Variants in MAGI1 observed in about 807,000 individuals in gnomAD.
MAGI1 encodes the protein membrane associated guanylate kinase, WW and PDZ domain containing 1, also known as membrane-associated guanylate kinase, WW and PDZ domain-containing protein 1.
MAGI1 carries 58 observed loss-of-function variants against 139.9 expected under a neutral mutation model. The observed-to-expected ratio is 0.41, with a 90% CI of 0.34 to 0.52. The LOEUF (loss-of-function observed/expected upper bound fraction) is 0.52. MAGI1 is among the 20% of genes least tolerant of loss of function. The pLI, the probability that MAGI1 is intolerant of heterozygous loss-of-function variation, is 0.12. For synonymous variants in MAGI1, 812 were observed against 737.9 expected (o/e 1.10, Z -1.63); for missense variants, 1,874 against 1,901.6 (o/e 0.99, Z 0.27).
At chr3:65,909,885 T>C (rs535142652) in intron 1 of MAGI1, among the ~76,000 whole-genome samples, 7 of 152,214 alleles carry the variant, frequency 4.6e-5, no homozygotes, top group East Asian at 3.9e-4. Context: ...GGGTGGGGGA[T>C]GGTTTGGGGA....
intron 1 of MAGI1, among the ~76,000 whole-genome samples, chr3:66,024,790 G>A (rs1009330969): frequency 2.0e-5 from 3 of 152,150 alleles, no homozygotes; most frequent in Admixed American, 2.0e-4. Context: ...TGGGCAACAA[G>A]AGTGAGACTC....
chr3:65,379,427 C>T lies in MAGI1; in HGVS notation c.2829G>A (p.Ser943=), dbSNP rs1942850977. ...GSQNSLNTVS[S]GSGSTSGIGS... is the part of the protein sequence containing the mutation. ...CGATGCCGCTGGTGCTGCCGCTGCC[C>T]GAGCTCACCGTGTTCAGCGAGTTCT... Residue 943 remains serine (S), a synonymous_variant, in exon 17 of 23, where the codon TCG becomes TCA. Coordinates refer to ENST00000402939, the MANE Select transcript of MAGI1 (RefSeq NM_001033057.2). 1.9e-6 allele frequency: 3 copies of T among 1,613,546 alleles called. No homozygotes were observed. Among genetic ancestry groups the T allele is most frequent in the African/African-American group, 1.3e-5 (1 of 74,926 alleles).
intron 2 of MAGI1, among the ~76,000 whole-genome samples, chr3:65,618,774 T>G (rs531441945): frequency 1.3e-5 from 2 of 152,138 alleles, no homozygotes; most frequent in Non-Finnish European, 2.9e-5. Context: ...GTGTATCTGA[T>G]AAGACAGTGG....
At position 65,978,563 on chromosome 3, in the gene MAGI1, T is replaced by C. The variant is rs72908980; in HGVS notation, c.313+59433A>G. Among the ~76,000 whole-genome samples the C allele has an allele frequency of 5.6e-3, 847 of 151,978 alleles. 7 individuals are homozygous for C. Among genetic ancestry groups the C allele is most frequent in the African/African-American group, 0.02 (809 of 41,436 alleles). The stretch of plus-strand genomic sequence containing the variant: ...CCCCCATTCCTAACAGTATCCTCAG[T>C]TCCATCACTGCAAGTGTCATCTGAA... On this transcript the variant is annotated intron_variant, in intron 1 of 22. Transcript: ENST00000402939.
In MAGI1 at chr3:65,478,752, C is replaced by T. The variant is rs771522290; in HGVS notation, c.597G>A (p.Gly199=). ...GCAAGGCATCCGTCGTGATCACTTT[C>T]CCACTGACTGGCTGGCTAGGAGGCT... ...TPKPPSQPVS[G]KVITTDALHS... The change falls in exon 4 of 23, where the codon GGG becomes GGA. Residue 199 remains glycine (G), a synonymous_variant. Coordinates refer to ENST00000402939, the MANE Select transcript of MAGI1 (RefSeq NM_001033057.2). 1.9e-6 allele frequency: 3 copies of T among 1,614,122 alleles called. No homozygotes were observed. Among genetic ancestry groups the T allele is most frequent in the Non-Finnish European group, 2.5e-6 (3 of 1,179,984 alleles).
chr3:65,377,261 A>AAT (rs897396730), intron 17 of MAGI1, among the ~76,000 whole-genome samples: 2 of 152,326 alleles, frequency 1.3e-5, no homozygotes, highest in African/African-American at 4.8e-5. Flanking sequence ...ATTAGAATAC[A>AAT]ATAGGTAGGT....
intron 2 of MAGI1, among the ~76,000 whole-genome samples, chr3:65,508,788 TG>T (rs2077415020): frequency 6.6e-6 from 1 of 152,240 alleles, no homozygotes; most frequent in African/African-American, 2.4e-5. Context: ...GTTTTGTTTT[TG>T]TTGTGTTTTG....
At chr3:65,464,050 C>G (rs1262744603) in intron 5 of MAGI1, among the ~76,000 whole-genome samples, 1 of 152,114 alleles carries the variant, frequency 6.6e-6, no homozygotes, top group Non-Finnish European at 1.5e-5. Flanking sequence ...GGAGGAATCT[C>G]CACCTCTTAT....
At chr3:65,952,380 A>T (rs895665860) in intron 1 of MAGI1, among the ~76,000 whole-genome samples, 1 of 152,134 alleles carries the variant, frequency 6.6e-6, no homozygotes. Flanking sequence ...TTTTTTTCCG[A>T]TACTTTTGCT....
chr3:65,377,772 C>T (rs1942670292), intron 17 of MAGI1, among the ~76,000 whole-genome samples: 1 of 152,140 alleles, frequency 6.6e-6, no homozygotes. Context: ...ATTAATGTAG[C>T]TCAAAAAGCA....
intron 1 of MAGI1, among the ~76,000 whole-genome samples, chr3:65,891,679 A>T (rs1201131297): frequency 7.5e-6 from 1 of 134,034 alleles, no homozygotes; most frequent in Non-Finnish European, 1.5e-5. Context: ...AACATGCATG[A>T]CAATAGCCCT....
At position 65,356,393 on chromosome 3, in the gene MAGI1, G is replaced by A. The variant is rs2106672455; in HGVS notation, c.4374C>T (p.Thr1458=). The A allele has an allele frequency of 1.3e-6, 2 of 1,590,568 alleles. No homozygotes were observed. The highest frequency in any genetic ancestry group is 1.8e-5 in the Admixed American group (1 of 55,896). ...QRRRPYKECS[T]DLSI ...ACTCAGCGTCTCAGATACTGAGGTCGGTGCTACATTCTTTGTAAGGTCGCC... is the reference window on the plus strand; with the variant it reads ...ACTCAGCGTCTCAGATACTGAGGTCAGTGCTACATTCTTTGTAAGGTCGCC... Residue 1458 remains threonine (T), a synonymous_variant, in exon 23 of 23, where the codon ACC becomes ACT. Coordinates refer to ENST00000402939, the MANE Select transcript of MAGI1 (RefSeq NM_001033057.2).
intron 2 of MAGI1, among the ~76,000 whole-genome samples, chr3:65,577,414 A>C (rs113060003): frequency 0.036 from 5,449 of 152,268 alleles, 131 homozygotes; most frequent in Middle Eastern, 0.1. Flanking sequence ...TGAAAAATCA[A>C]ACACGGCTCC....
chr3:65,935,039 G>T (rs2062980683), intron 1 of MAGI1, among the ~76,000 whole-genome samples: 2 of 152,096 alleles, frequency 1.3e-5, no homozygotes, highest in South Asian at 4.2e-4. Flanking sequence ...ATTATGACAA[G>T]GAAAGCATAG....
chr3:65,901,779 C>T (rs964825007), intron 1 of MAGI1, among the ~76,000 whole-genome samples: 2 of 152,172 alleles, frequency 1.3e-5, no homozygotes, highest in African/African-American at 4.8e-5. Context: ...CCTCAGCACC[C>T]TCCACAATTT....
At chr3:65,935,643 T>C (rs2063015659) in intron 1 of MAGI1, among the ~76,000 whole-genome samples, 1 of 152,156 alleles carries the variant, frequency 6.6e-6, no homozygotes, top group Non-Finnish European at 1.5e-5. Context: ...AGGTAGAGTC[T>C]ACTACCTCAC....
intron 1 of MAGI1, among the ~76,000 whole-genome samples, chr3:65,773,887 T>C (rs774690328): frequency 5.5e-4 from 84 of 152,182 alleles, no homozygotes; most frequent in Non-Finnish European, 1.1e-3. Context: ...GTTTTCCTTT[T>C]AATACAAGTT....
chr3:65,727,790 A>C (rs2033773573), intron 1 of MAGI1, among the ~76,000 whole-genome samples: 1 of 152,210 alleles, frequency 6.6e-6, no homozygotes, highest in South Asian at 2.1e-4. Context: ...AGATGGATCA[A>C]CAAGGTAGGC....
chr3:65,449,982 T>C (rs1485792758), intron 6 of MAGI1, among the ~76,000 whole-genome samples: 1 of 152,234 alleles, frequency 6.6e-6, no homozygotes, highest in Non-Finnish European at 1.5e-5. Flanking sequence ...GTTGTATTCA[T>C]TGACACATTC....
Sources: gnomAD v4.1 joint callset for allele counts (sites outside exome capture counted in the v4.1 genomes callset) on GRCh38, gnomAD v4.1.1 for gene constraint, MANE v1.5 for transcripts, NCBI Gene and HGNC (gene_info 2026-07-23, HGNC 2026-07-21) for gene names.